GET1: variants seen among roughly 807,000 people sequenced by gnomAD.
The protein encoded by GET1 is congenital heart disease 5 protein.
GET1 carries 20 observed loss-of-function variants against 22.6 expected under a neutral mutation model. That is an observed-to-expected ratio of 0.89 (90% confidence interval 0.62 to 1.29). GET1 has a LOEUF of 1.29. Among genes scored for constraint, GET1 ranks in the 50% most tolerant of loss-of-function variants. The pLI is 0.00. For synonymous variants in GET1, 92 were observed against 83.8 expected (o/e 1.10, Z -0.53); for missense variants, 209 against 219.9 (o/e 0.95, Z 0.31).
At chr21:39,390,630 C>T (rs2038237459) in intron 1 of GET1, 68 bp from the exon 2 acceptor site, 22 of 1,575,290 alleles carry the variant, frequency 1.4e-5, no homozygotes, top group South Asian at 7.0e-5. Flanking sequence ...CAGAAAGTAG[C>T]GGGGGACTGG....
chr21:39,418,045 C>T (rs911013793), intron 1 of GET1, among the ~76,000 whole-genome samples: 5 of 152,148 alleles, frequency 3.3e-5, no homozygotes, highest in Non-Finnish European at 5.9e-5. Context: ...GGATTACAGG[C>T]GTGAGCCACC....
At chr21:39,407,897 A>G (rs937433167), downstream of GET1, 3 of 152,376 alleles carry the variant, frequency 2.0e-5, no homozygotes, top group Middle Eastern at 3.4e-3. Flanking sequence ...CCAAACTGCA[A>G]CAGAGAGAGT....
intron 1 of GET1, chr21:39,425,746 G>C (rs1019463756): frequency 4.6e-5 from 7 of 152,470 alleles, no homozygotes; most frequent in Admixed American, 1.3e-4. Context: ...CCCCCAACTT[G>C]TAATGTCTTC....
intron 1 of GET1, among the ~76,000 whole-genome samples, chr21:39,417,457 C>T (rs2041417440): frequency 6.6e-6 from 1 of 152,232 alleles, no homozygotes; most frequent in South Asian, 2.1e-4. Context: ...TCTATTCTCT[C>T]TTTTTCTGCT....
At chr21:39,393,459 C>T (rs2038438669) in intron 4 of GET1, among the ~76,000 whole-genome samples, 179 bp downstream of exon 4, 1 of 152,162 alleles carries the variant, frequency 6.6e-6, no homozygotes, top group African/African-American at 2.4e-5. Context: ...AGTTACTTCA[C>T]TTGTCCAGTG....
chr21:39,396,828 C>T (rs748606118), intron 4 of GET1, 38 bp from the exon 5 acceptor site: 8 of 1,592,378 alleles, frequency 5.0e-6, no homozygotes, highest in Non-Finnish European at 6.9e-6. Context: ...GGCAGCACTG[C>T]TGGTATGCGC....
intron 1 of GET1, among the ~76,000 whole-genome samples, chr21:39,390,046 T>G (rs914728804): frequency 4.6e-5 from 7 of 150,632 alleles, no homozygotes; most frequent in Non-Finnish European, 7.4e-5. Flanking sequence ...ATATGAGTTT[T>G]TTTTTTTTTT....
intron 1 of GET1, among the ~76,000 whole-genome samples, chr21:39,424,713 AT>A (rs2074356455): frequency 6.6e-6 from 1 of 152,150 alleles, no homozygotes; most frequent in African/African-American, 2.4e-5. Context: ...ACAGATACCG[AT>A]TTTCCATCTC....
downstream of GET1, chr21:39,410,961 G>C (rs1569067871): frequency 2.1e-6 from 1 of 470,208 alleles, no homozygotes. Context: ...TGGTACTTCT[G>C]AGTCGAATCT....
At chr21:39,395,521 G>T (rs1392668879) in intron 4 of GET1, among the ~76,000 whole-genome samples, 1 of 151,820 alleles carries the variant, frequency 6.6e-6, no homozygotes, top group Non-Finnish European at 1.5e-5. Context: ...CCCACCACAC[G>T]CCCGACTAGT....
At chr21:39,417,277 T>G (rs1161489498) in intron 1 of GET1, among the ~76,000 whole-genome samples, 2 of 152,144 alleles carry the variant, frequency 1.3e-5, no homozygotes, top group Non-Finnish European at 2.9e-5. Flanking sequence ...TGACCTCAGG[T>G]GATCCGCCCA....
At position 39,403,574 on chromosome 21, in the gene GET1, G is replaced by A. The variant is rs560994271; in HGVS notation, c.350-2340G>A. Among the ~76,000 whole-genome samples, 424 of 150,312 alleles carry A rather than the reference G, an allele frequency of 2.8e-3. 1 individual carries two copies. Among genetic ancestry groups the A allele is most frequent in the African/African-American group, 9.6e-3 (394 of 40,868 alleles). On this transcript the variant is annotated intron_variant, in intron 4 of 4. Transcript: ENST00000415847. ...TCTGACTTCATGATCCGCCCGCCTCGGCCTCCCAAAGTGCTGGGGTGAGCC... is the reference window on the plus strand; with the variant it reads ...TCTGACTTCATGATCCGCCCGCCTCAGCCTCCCAAAGTGCTGGGGTGAGCC...
At chr21:39,424,646 T>C (rs1387017272) in intron 1 of GET1, among the ~76,000 whole-genome samples, 10 of 152,236 alleles carry the variant, frequency 6.6e-5, no homozygotes, top group African/African-American at 9.6e-5. Context: ...AAAGAACTTA[T>C]ATATTCAAAA....
At chr21:39,405,919 G>T in exon 5 of GET1, 1 of 1,604,480 alleles carries the variant, frequency 6.2e-7, no homozygotes, top group South Asian at 1.1e-5. Context: ...TGTAGGTGAC[G>T]ATGGCTTAAT....
intron 1 of GET1, chr21:39,423,426 G>C: frequency 6.3e-7 from 1 of 1,598,236 alleles, no homozygotes. Context: ...CAATCATATG[G>C]ATTTGAGAAT....
In GET1 at chr21:39,391,348, C is replaced by T. The variant is rs546192048; in HGVS notation, c.269-421C>T. 8.9e-4 allele frequency: 236 copies of T among 266,366 alleles called. 2 individuals carry two copies. The highest frequency in any genetic ancestry group is 4.9e-3 in the African/African-American group (211 of 42,828). 16.5% of individuals were successfully genotyped at this position (266,366 alleles called of 1,614,324 possible). On this transcript the variant is annotated intron_variant, in intron 2 of 4. Coordinates refer to ENST00000649170, the MANE Select transcript of GET1 (RefSeq NM_004627.6). ...ACCCCGGTCACAGTGTGTGCACAGT[C>T]AGAGAGCTGTCTCTGTGGCTAGGAA...
At chr21:39,380,770 G>T in intron 1 of GET1, 1 of 1,130,458 alleles carries the variant, frequency 8.8e-7, no homozygotes, top group Non-Finnish European at 1.1e-6. Flanking sequence ...AGTTCCTAGT[G>T]CCCCGCTGTC....
At chr21:39,419,359 T>C (rs1321994588) in intron 1 of GET1, among the ~76,000 whole-genome samples, 1 of 151,816 alleles carries the variant, frequency 6.6e-6, no homozygotes, top group African/African-American at 2.4e-5. Context: ...ACCCCGTCTC[T>C]ACAAAAATTT....
chr21:39,382,056 T>C (rs2037585257), intron 1 of GET1, among the ~76,000 whole-genome samples: 1 of 150,732 alleles, frequency 6.6e-6, no homozygotes, highest in African/African-American at 2.4e-5. Flanking sequence ...CAGAACATTT[T>C]CTTTTTTTTT....
Sources: gnomAD v4.1 joint callset for allele counts (sites outside exome capture counted in the v4.1 genomes callset) on GRCh38, gnomAD v4.1.1 for gene constraint, MANE v1.5 for transcripts, NCBI Gene and HGNC (gene_info 2026-07-23, HGNC 2026-07-21) for gene names.